Variants in SPTBN4 observed in about 807,000 individuals in gnomAD.
SPTBN4 encodes the protein spectrin beta chain, non-erythrocytic 4.
SPTBN4 carries 96 observed loss-of-function variants against 277.8 expected under a neutral mutation model. The ratio of observed to expected loss-of-function variants is 0.35; its 90% confidence interval spans 0.29 to 0.41. The LOEUF (loss-of-function observed/expected upper bound fraction) is 0.41, where lower values mean the gene tolerates loss of function less well. SPTBN4 is among the 10% of genes least tolerant of loss of function. The pLI is 1.00. For synonymous variants in SPTBN4, 1,481 were observed against 1,580.3 expected, an observed-to-expected ratio of 0.94 and a Z score of 1.49; for missense variants, 3,006 against 3,595.7, an observed-to-expected ratio of 0.84 and a Z score of 4.19.
In SPTBN4 at chr19:40,503,980, C is replaced by A. The variant is rs376426807; in HGVS notation, c.1513C>A (p.Arg505=). ...LAAEGYYDIR[R]VAAQRDSVLR... ...AGCCGAAGGCTACTACGATATCCGGCGGGTGGCAGCCCAGCGTGACAGCGT... is the reference window on the plus strand; with the variant it reads ...AGCCGAAGGCTACTACGATATCCGGAGGGTGGCAGCCCAGCGTGACAGCGT... Residue 505 remains arginine, a synonymous_variant, in exon 12 of 36, where the codon CGG becomes AGG. Coordinates refer to ENST00000598249, the MANE Select transcript of SPTBN4 (RefSeq NM_020971.3). 2 of 1,613,892 alleles carry A rather than the reference C, an allele frequency of 1.2e-6. No homozygotes were observed. The highest frequency in any genetic ancestry group is 8.5e-7 in the Non-Finnish European group (1 of 1,179,986).
intron 7 of SPTBN4, among the ~76,000 whole-genome samples, chr19:40,498,405 A>G (rs2080225490): frequency 1.3e-5 from 2 of 148,926 alleles, no homozygotes; most frequent in South Asian, 4.2e-4. Context: ...TTATTTATTT[A>G]TTTATTTATT....
chr19:40,483,560 A>G (rs2080036119), intron 2 of SPTBN4, among the ~76,000 whole-genome samples: 1 of 152,240 alleles, frequency 6.6e-6, no homozygotes, highest in South Asian at 2.1e-4. Context: ...ATATGCAAAT[A>G]TTAACAGTAA....
At chr19:40,549,671 A>G (rs2080896333) in intron 21 of SPTBN4, among the ~76,000 whole-genome samples, 2 of 152,164 alleles carry the variant, frequency 1.3e-5, no homozygotes. Flanking sequence ...TTATTTACTT[A>G]ACTATTCATT....
intron 2 of SPTBN4, among the ~76,000 whole-genome samples, chr19:40,478,125 C>A (rs1048310361): frequency 6.6e-6 from 1 of 152,118 alleles, no homozygotes; most frequent in African/African-American, 2.4e-5. Context: ...CAAGCATAAG[C>A]CACTGAGCCT....
intron 21 of SPTBN4, among the ~76,000 whole-genome samples, chr19:40,549,985 G>A (rs1209469145): frequency 2.0e-5 from 3 of 152,102 alleles, no homozygotes; most frequent in South Asian, 4.1e-4. Flanking sequence ...TGTCAACAGA[G>A]GAGACTGAGA....
chr19:40,536,863 G>A (rs2080743318), intron 20 of SPTBN4, among the ~76,000 whole-genome samples: 1 of 152,094 alleles, frequency 6.6e-6, no homozygotes, highest in South Asian at 2.1e-4. Context: ...ACGGCTCACT[G>A]CAGCCTCAAC....
At chr19:40,534,048 T>C (rs1163820196) in intron 19 of SPTBN4, 32 bp from the exon 20 acceptor site, 1 of 1,576,618 alleles carries the variant, frequency 6.3e-7, no homozygotes. Context: ...ATCTATCTTC[T>C]CCATCTCCTG....
chr19:40,488,634 G>GT (rs2080100744), intron 3 of SPTBN4, among the ~76,000 whole-genome samples: 1 of 151,948 alleles, frequency 6.6e-6, no homozygotes, highest in South Asian at 2.1e-4. Context: ...TCTACGGTTT[G>GT]TTTGTTTGTT....
chr19:40,523,782 C>A, intron 17 of SPTBN4, 143 bp downstream of exon 17: 1 of 817,232 alleles, frequency 1.2e-6, no homozygotes, highest in Non-Finnish European at 1.8e-6. Flanking sequence ...TATTTAATTC[C>A]ATGTTGTCTT....
intron 22 of SPTBN4, among the ~76,000 whole-genome samples, chr19:40,550,725 G>T (rs576496607): frequency 2.6e-5 from 4 of 152,038 alleles, no homozygotes; most frequent in African/African-American, 7.2e-5. Context: ...CACCAGGTTG[G>T]CCAGGCTGGG....
At chr19:40,482,157 G>A (rs930430727) in intron 2 of SPTBN4, among the ~76,000 whole-genome samples, 10 of 151,730 alleles carry the variant, frequency 6.6e-5, no homozygotes, top group Admixed American at 3.3e-4. Flanking sequence ...GGCTGGTCTC[G>A]AACTCCTGAC....
intron 2 of SPTBN4, among the ~76,000 whole-genome samples, chr19:40,482,461 T>C (rs1028316772): frequency 6.6e-6 from 1 of 151,582 alleles, no homozygotes; most frequent in Non-Finnish European, 1.5e-5. Flanking sequence ...CTGCATACAC[T>C]GAGAGAACTG....
chr19:40,527,641 G>A (rs2080608734), intron 17 of SPTBN4, among the ~76,000 whole-genome samples: 1 of 152,220 alleles, frequency 6.6e-6, no homozygotes. Flanking sequence ...CTAGTGCCAA[G>A]GGCCTGAGGC....
intron 22 of SPTBN4, among the ~76,000 whole-genome samples, chr19:40,551,732 G>T (rs2080919854): frequency 6.6e-6 from 1 of 152,250 alleles, no homozygotes; most frequent in African/African-American, 2.4e-5. Context: ...GGTGGCTCAT[G>T]CCTGTAATCC....
chr19:40,494,855 C>T (rs1338597818), intron 5 of SPTBN4, 42 bp from the exon 6 acceptor site: 1 of 1,583,326 alleles, frequency 6.3e-7, no homozygotes, highest in South Asian at 1.1e-5. Flanking sequence ...TCCCTCCTAA[C>T]TCTCCCCATC....
At position 40,487,487 on chromosome 19, in the gene SPTBN4, G is replaced by A. The variant is rs1285663031; in HGVS notation, c.170-210G>A. ...CAGCCTCTCCAGTAGCTGGGATTAT[G>A]GGCGCCCGCCACCATGTCCGGCTGC... On this transcript the variant is annotated intron_variant, in intron 2 of 35. Transcript: ENST00000598249. 2.0e-5 allele frequency among the ~76,000 whole-genome samples: 3 copies of A among 151,426 alleles called. No homozygotes were observed. In the East Asian group the frequency reaches 5.8e-4, roughly 29 times the overall value.
intron 25 of SPTBN4, 27 bp from the exon 26 acceptor site, chr19:40,556,996 A>AGCCCCC: frequency 1.5e-6 from 2 of 1,363,588 alleles, no homozygotes; most frequent in Non-Finnish European, 2.0e-6. Context: ...ACTTTGCTGT[A>AGCCCCC]CCCCCCCCCC....
intron 12 of SPTBN4, among the ~76,000 whole-genome samples, chr19:40,505,402 A>AG (rs1300335659): frequency 6.9e-6 from 1 of 145,544 alleles, no homozygotes; most frequent in African/African-American, 2.6e-5. Context: ...AAAAAAAAAA[A>AG]AAGAAGAAGC....
intron 7 of SPTBN4, among the ~76,000 whole-genome samples, chr19:40,500,912 T>A (rs1288948197): frequency 6.6e-6 from 1 of 152,050 alleles, no homozygotes; most frequent in Non-Finnish European, 1.5e-5. Context: ...ACAGGCATAG[T>A]GTTTGTCCTC....
Sources: gnomAD v4.1 joint callset for allele counts (sites outside exome capture counted in the v4.1 genomes callset) on GRCh38, gnomAD v4.1.1 for gene constraint, MANE v1.5 for transcripts, NCBI Gene and HGNC (gene_info 2026-07-23, HGNC 2026-07-21) for gene names.